The following SNX7 variants were observed in gnomAD, a reference collection of about 807,000 sequenced individuals.
SNX7 encodes the protein sorting nexin-7.
A neutral mutation model predicts 48.4 loss-of-function variants in SNX7; 35 were observed. The ratio of observed to expected loss-of-function variants is 0.72; its 90% CI spans 0.55 to 0.96. SNX7 has a LOEUF of 0.96. Ranked by LOEUF, SNX7 falls within the 40% of genes least tolerant of loss-of-function variation. The pLI is 0.00. For synonymous variants in SNX7, 190 were observed against 190.2 expected (o/e 1.00, Z 0.01); for missense variants, 553 against 548.9 (o/e 1.01, Z -0.07).
At chr1:98,706,225 C>T (rs1389220872) in intron 7 of SNX7, among the ~76,000 whole-genome samples, 2 of 152,000 alleles carry the variant, frequency 1.3e-5, no homozygotes, top group East Asian at 3.9e-4. Flanking sequence ...AATATATTAT[C>T]ATATAGTGAT....
chr1:98,753,055 C>T (rs543679517), intron 8 of SNX7, among the ~76,000 whole-genome samples: 4 of 152,022 alleles, frequency 2.6e-5, no homozygotes, highest in Non-Finnish European at 5.9e-5. Context: ...CATATAAACA[C>T]ACTTAGACCA....
At chr1:98,707,878 T>C (rs56263116) in intron 7 of SNX7, among the ~76,000 whole-genome samples, 8,444 of 152,252 alleles carry the variant, frequency 0.055, 745 homozygotes, top group African/African-American at 0.18. Flanking sequence ...CAGTATGACA[T>C]GCTATTTTTG....
intron 1 of SNX7, among the ~76,000 whole-genome samples, chr1:98,679,118 AC>A: frequency 6.6e-6 from 1 of 152,308 alleles, no homozygotes; most frequent in African/African-American, 2.4e-5. Flanking sequence ...TAATGGACTT[AC>A]AATTCTGCAT....
intron 7 of SNX7, among the ~76,000 whole-genome samples, chr1:98,726,688 T>C (rs1481904009): frequency 6.6e-6 from 1 of 152,186 alleles, no homozygotes; most frequent in Non-Finnish European, 1.5e-5. Flanking sequence ...TGTCTGGATT[T>C]CTTAAGATTT....
intron 7 of SNX7, among the ~76,000 whole-genome samples, chr1:98,718,386 C>CA (rs1338874005): frequency 6.6e-6 from 1 of 152,040 alleles, no homozygotes; most frequent in East Asian, 1.9e-4. Context: ...AAAAGGAACT[C>CA]AGAGTCTCCA....
At chr1:98,741,436 G>A (rs1205316648) in intron 8 of SNX7, among the ~76,000 whole-genome samples, 2 of 152,132 alleles carry the variant, frequency 1.3e-5, no homozygotes, top group Non-Finnish European at 2.9e-5. Context: ...ATGTCATGTT[G>A]TACTTAGATG....
At chr1:98,753,571 G>A (rs967518203) in intron 8 of SNX7, among the ~76,000 whole-genome samples, 1 of 152,048 alleles carries the variant, frequency 6.6e-6, no homozygotes, top group African/African-American at 2.4e-5. Flanking sequence ...TTTACCTGGA[G>A]AATGTTCAGA....
chr1:98,751,141 G>A (rs1254872355), intron 8 of SNX7, among the ~76,000 whole-genome samples: 2 of 152,018 alleles, frequency 1.3e-5, no homozygotes, highest in African/African-American at 2.4e-5. Flanking sequence ...TGAGAAAATA[G>A]TGATTCTCAA....
intron 8 of SNX7, among the ~76,000 whole-genome samples, chr1:98,747,926 C>T (rs1364894657): frequency 6.7e-6 from 1 of 149,560 alleles, no homozygotes; most frequent in African/African-American, 2.5e-5. Flanking sequence ...AGTTTTGAAC[C>T]TTTTATTATG....
At chr1:98,753,358 G>A (rs1200962435) in intron 8 of SNX7, among the ~76,000 whole-genome samples, 1 of 152,006 alleles carries the variant, frequency 6.6e-6, no homozygotes, top group Non-Finnish European at 1.5e-5. Context: ...AATTTAGAAA[G>A]GAAGATGTTA....
At chr1:98,692,874 A>G (rs1482545959) in intron 4 of SNX7, among the ~76,000 whole-genome samples, 1 of 152,224 alleles carries the variant, frequency 6.6e-6, no homozygotes, top group Admixed American at 6.5e-5. Context: ...TAATAGATTT[A>G]TACACATTTT....
At chr1:98,721,414 G>A (rs1652865358) in intron 7 of SNX7, among the ~76,000 whole-genome samples, 2 of 152,052 alleles carry the variant, frequency 1.3e-5, no homozygotes, top group Admixed American at 6.6e-5. Context: ...GTGTAGTATT[G>A]TGAGCTGTCT....
chr1:98,716,749 A>G (rs1237838507), intron 7 of SNX7, among the ~76,000 whole-genome samples: 28 of 152,136 alleles, frequency 1.8e-4, no homozygotes, highest in Admixed American at 6.6e-5. Flanking sequence ...TCTGAAGTCC[A>G]TGGAGATGAG....
At chr1:98,731,255 T>A (rs1182091823) in intron 7 of SNX7, among the ~76,000 whole-genome samples, 1 of 152,128 alleles carries the variant, frequency 6.6e-6, no homozygotes, top group Non-Finnish European at 1.5e-5. Flanking sequence ...CTGTTTTATT[T>A]AGCTTCAAGT....
At chr1:98,661,561 T>C (rs1418449441), upstream of SNX7, 2 of 513,100 alleles carry the variant, frequency 3.9e-6, no homozygotes, top group Non-Finnish European at 5.6e-6. Context: ...CAGGTGGGGA[T>C]GCGCCCGGCC....
intron 8 of SNX7, among the ~76,000 whole-genome samples, chr1:98,743,534 G>T (rs78358616): frequency 6.6e-6 from 1 of 151,932 alleles, no homozygotes; most frequent in Admixed American, 6.6e-5. Context: ...CGTTACAAGG[G>T]TATCTGTCTA....
At chr1:98,721,622 A>G (rs1260371687) in intron 7 of SNX7, among the ~76,000 whole-genome samples, 1 of 152,120 alleles carries the variant, frequency 6.6e-6, no homozygotes, top group East Asian at 1.9e-4. Flanking sequence ...TGAGAACTAA[A>G]TGAGATAATA....
chr1:98,683,894 C>T (rs1364908240), intron 1 of SNX7, among the ~76,000 whole-genome samples: 1 of 152,068 alleles, frequency 6.6e-6, no homozygotes, highest in East Asian at 1.9e-4. Context: ...TACTGGATGC[C>T]CTCGAGCTCA....
At chr1:98,740,345 ATTG>A (rs1305280648) in intron 8 of SNX7, among the ~76,000 whole-genome samples, 2 of 152,178 alleles carry the variant, frequency 1.3e-5, no homozygotes, top group Non-Finnish European at 2.9e-5. Context: ...ACATTACAGA[ATTG>A]TTAAGAAAGT....
Sources: allele counts gnomAD v4.1 joint callset (sites outside exome capture counted in the v4.1 genomes callset), GRCh38; gene constraint gnomAD v4.1.1; transcripts MANE v1.5; gene names NCBI Gene and HGNC (gene_info 2026-07-23, HGNC 2026-07-21).